Variants in ANO4 observed in about 807,000 individuals in gnomAD.
ANO4 encodes anoctamin-4.
Under a neutral mutation model 141.9 loss-of-function variants are expected in ANO4, and 69 were observed. The ratio of observed to expected loss-of-function variants is 0.49; its 90% confidence interval spans 0.40 to 0.59. The LOEUF is 0.59. ANO4 is among the 20% of genes least tolerant of loss of function. The probability of loss-of-function intolerance (pLI) is 0.00; values close to 1 mark genes in which losing one functional copy is unlikely to be tolerated. For missense variants in ANO4, 894 were observed against 1,162.2 expected (o/e 0.77, Z 3.36); for synonymous variants, 350 against 394.3 (o/e 0.89, Z 1.33).
At chr12:101,041,278 G>C (rs2047402977) in intron 11 of ANO4, among the ~76,000 whole-genome samples, 1 of 152,208 alleles carries the variant, frequency 6.6e-6, no homozygotes. Context: ...CAAGGGCATT[G>C]ATGAATTGTG....
rs1593379234 is a variant in ANO4 at position 100,806,523 on chromosome 12, C to CTTTTTTTTTTTTTTTTTTTT, written c.-141+11496_-141+11497insTTTTTTTTTTTTTTTTTTTT. 1.7e-3 allele frequency among the ~76,000 whole-genome samples: 77 copies of CTTTTTTTTTTTTTTTTTTTT among 44,978 alleles called. 21 individuals carry two copies. Among genetic ancestry groups the CTTTTTTTTTTTTTTTTTTTT allele is most frequent in the East Asian group, 3.2e-3 (3 of 924 alleles). 29.5% of individuals were successfully genotyped at this position (44,978 alleles called of 152,430 possible). A position where few individuals can be genotyped will look rare whatever the true frequency, so the allele number is the denominator to read the frequency against. On this transcript the variant is annotated intron_variant, in intron 1 of 27. Coordinates refer to ENST00000392977, the MANE Select transcript of ANO4 (RefSeq NM_001286615.2). ...TTTTTAGGAGGTTTTTTTTTTGTTT[C>CTTTTTTTTTTTTTTTTTTTT]GTTTTTTTTTTTTTTTTTTTTTTTT...
intron 2 of ANO4, among the ~76,000 whole-genome samples, chr12:100,920,561 A>G (rs1394198150): frequency 6.7e-6 from 1 of 148,954 alleles, no homozygotes; most frequent in East Asian, 2.0e-4. Context: ...AAAAGCAAAT[A>G]ACCCATTTTA....
At chr12:100,785,474 G>GTCATAGAGT (rs1276842972) in intron 3 of ANO4, among the ~76,000 whole-genome samples, 1 of 152,134 alleles carries the variant, frequency 6.6e-6, no homozygotes, top group Non-Finnish European at 1.5e-5. Flanking sequence ...TTTCTAGACT[G>GTCATAGAGT]TCATAGAGTT....
At position 100,801,191 on chromosome 12, in the gene ANO4, A is replaced by G. The variant is rs574220023; in HGVS notation, c.-141+6164A>G. Among the ~76,000 whole-genome samples the G allele has an allele frequency of 6.1e-4, 92 of 151,858 alleles. 1 individual carries two copies. The South Asian group carries it at 0.019, about 31-fold the overall frequency. On this transcript the variant is annotated intron_variant, in intron 1 of 27. Transcript: ENST00000392977. ...CTGTACCTCAAATCTTGGTTTAGTG[A>G]CTGCTGTAGAGCAGATAACCAATAA... is the stretch of plus-strand genomic sequence containing the variant.
intron 18 of ANO4, 136 bp downstream of exon 18, chr12:101,094,428 C>A: frequency 1.7e-6 from 1 of 592,288 alleles, no homozygotes. Flanking sequence ...TTTTCTTTGC[C>A]TTCAACAGAA....
chr12:101,003,778 G>A (rs1336919351), intron 8 of ANO4, among the ~76,000 whole-genome samples: 1 of 152,096 alleles, frequency 6.6e-6, no homozygotes, highest in Non-Finnish European at 1.5e-5. Context: ...TAGAAGAGAA[G>A]TTTTTGAATA....
intron 7 of ANO4, among the ~76,000 whole-genome samples, chr12:100,986,171 G>A (rs961601686): frequency 6.6e-6 from 1 of 152,102 alleles, no homozygotes; most frequent in Non-Finnish European, 1.5e-5. Flanking sequence ...CTTCAGACTT[G>A]GATCAGGATT....
At chr12:100,760,199 G>A (rs982860841) in intron 3 of ANO4, among the ~76,000 whole-genome samples, 2 of 152,226 alleles carry the variant, frequency 1.3e-5, no homozygotes, top group African/African-American at 2.4e-5. Context: ...AGGTCATTTG[G>A]AGTGACGTTT....
intron 14 of ANO4, among the ~76,000 whole-genome samples, chr12:101,050,382 C>G (rs1289529228): frequency 6.6e-6 from 1 of 152,160 alleles, no homozygotes; most frequent in Non-Finnish European, 1.5e-5. Flanking sequence ...GAAAAGCTTT[C>G]ACTGTTCATG....
rs1460530038 is a variant in ANO4 at position 100,901,859 on chromosome 12, C to G, written c.55+19C>G. 6.3e-7 allele frequency: 1 copy of G among 1,575,562 alleles called. No homozygotes were observed. The highest frequency in any genetic ancestry group is 1.9e-5 in the Admixed American group (1 of 53,354). On this transcript the variant is annotated intron_variant, in intron 2 of 27. Transcript: ENST00000392977. ...CACCCAGGTGATGCATGGGGAAGTT[C>G]AACGGGGACCCATTTCAGTAGCAAC...
intron 1 of ANO4, among the ~76,000 whole-genome samples, chr12:100,726,452 A>G (rs1565840507): frequency 6.6e-6 from 1 of 152,188 alleles, no homozygotes; most frequent in Non-Finnish European, 1.5e-5. Flanking sequence ...AGGTCCTTAA[A>G]AAGTCTTTGG....
At chr12:100,791,778 A>G, upstream of ANO4, among the ~76,000 whole-genome samples, 1 of 152,170 alleles carries the variant, frequency 6.6e-6, no homozygotes, top group East Asian at 1.9e-4. Flanking sequence ...GAGCGTTTTC[A>G]GCCTCCCTGA....
chr12:101,089,329 T>A (rs1243430244), intron 17 of ANO4, among the ~76,000 whole-genome samples: 1 of 152,068 alleles, frequency 6.6e-6, no homozygotes, highest in Non-Finnish European at 1.5e-5. Context: ...TTTATTATTT[T>A]AGGAAAAAAG....
At chr12:100,759,504 T>C (rs1773023771) in intron 3 of ANO4, among the ~76,000 whole-genome samples, 1 of 152,184 alleles carries the variant, frequency 6.6e-6, no homozygotes, top group African/African-American at 2.4e-5. Context: ...ACAGCTTAGC[T>C]TCTAGGGTTA....
rs1377069857 is a variant in ANO4, at chr12:100,942,883, C to G, written c.456+348C>G. On this transcript the variant is annotated intron_variant, in intron 5 of 27. Transcript: ENST00000392977. ...GATTAAAGAAAACTTTGAGTGAAAT[C>G]CAGTCACTCTCTCTAGAGGCTCTTT... Among the ~76,000 whole-genome samples the G allele has an allele frequency of 1.3e-5, 2 of 152,168 alleles. 1 individual carries two copies. The highest frequency in any genetic ancestry group is 4.1e-4 in the South Asian group (2 of 4,830).
chr12:100,747,440 G>A (rs1232315886), intron 3 of ANO4, among the ~76,000 whole-genome samples: 2 of 152,106 alleles, frequency 1.3e-5, no homozygotes, highest in Admixed American at 6.5e-5. Flanking sequence ...AACCTCCTCT[G>A]TATGTGTTCA....
At chr12:101,070,391 C>G (rs901752372) in intron 14 of ANO4, among the ~76,000 whole-genome samples, 19 of 152,070 alleles carry the variant, frequency 1.2e-4, no homozygotes, top group Admixed American at 1.2e-3. Flanking sequence ...TCATTTTTGA[C>G]AAAGTTGCCA....
intron 1 of ANO4, among the ~76,000 whole-genome samples, chr12:100,816,799 T>C (rs867373355): frequency 5.9e-5 from 9 of 152,058 alleles, no homozygotes; most frequent in East Asian, 1.9e-4. Context: ...TTTTCAAGTT[T>C]TGATGTGTAT....
chr12:101,016,007 G>A (rs149398128), intron 8 of ANO4, among the ~76,000 whole-genome samples: 159 of 152,276 alleles, frequency 1.0e-3, no homozygotes, highest in African/African-American at 3.5e-3. Flanking sequence ...TCCACACCCC[G>A]CAGGAAGATC....
Sources: gnomAD v4.1 joint callset for allele counts (sites outside exome capture counted in the v4.1 genomes callset) on GRCh38, gnomAD v4.1.1 for gene constraint, MANE v1.5 for transcripts, NCBI Gene and HGNC (gene_info 2026-07-23, HGNC 2026-07-21) for gene names.